PCDH15: variants seen among roughly 807,000 people sequenced by gnomAD.
PCDH15 encodes the protein protocadherin-15.
Under a neutral mutation model 178.5 loss-of-function variants are expected in PCDH15, and 129 were observed. That is an observed-to-expected ratio of 0.72 (90% CI 0.63 to 0.84). The LOEUF is 0.84. Ranked by LOEUF, PCDH15 falls within the 40% of genes least tolerant of loss-of-function variation. PCDH15 has a pLI of 0.00. For synonymous variants in PCDH15, 800 were observed against 732.0 expected (o/e 1.09, Z -1.50); for missense variants, 2,230 against 2,099.9 (o/e 1.06, Z -1.21).
intron 2 of PCDH15, among the ~76,000 whole-genome samples, chr10:55,479,527 A>G (rs1222863730): frequency 1.3e-5 from 2 of 151,606 alleles, no homozygotes; most frequent in South Asian, 4.1e-4. Flanking sequence ...AGCACAATAA[A>G]GGCTGCACAT....
At chr10:53,882,338 C>T (rs1273207267) in intron 26 of PCDH15, among the ~76,000 whole-genome samples, 1 of 152,164 alleles carries the variant, frequency 6.6e-6, no homozygotes, top group Admixed American at 6.5e-5. Flanking sequence ...GAGCTCGGGG[C>T]CTTTGCAGCT....
At chr10:55,604,465 C>T (rs1397861910) in intron 2 of PCDH15, among the ~76,000 whole-genome samples, 1 of 151,050 alleles carries the variant, frequency 6.6e-6, no homozygotes, top group African/African-American at 2.4e-5. Flanking sequence ...CCACACCACA[C>T]CTATTCCAAA....
At chr10:55,183,502 CAGG>C (rs1839710036) in intron 1 of PCDH15, among the ~76,000 whole-genome samples, 2 of 151,780 alleles carry the variant, frequency 1.3e-5, no homozygotes, top group African/African-American at 2.4e-5. Flanking sequence ...CTTAGCTATA[CAGG>C]AGGATTGCTT....
In PCDH15 at chr10:54,089,990, G is replaced by A. The variant is rs2094573247; in HGVS notation, c.1991C>T (p.Ser664Leu). The A allele has an allele frequency of 3.1e-6, 5 of 1,607,606 alleles. No individual in the cohort carries two copies. Among genetic ancestry groups the A allele is most frequent in the Non-Finnish European group, 4.3e-6 (5 of 1,174,520 alleles). The change falls in exon 16 of 38, where the codon TCA (serine) becomes TTA (leucine). Residue 664 changes from serine (S) to leucine (L), a missense_variant. Ser to Leu is a moderately radical substitution (Grantham distance 145). Coordinates refer to ENST00000644397, the MANE Select transcript of PCDH15 (RefSeq NM_001384140.1). Reference protein sequence around the residue: ...NGDPQRVFNLSETTGILTLGK... With the variant: ...NGDPQRVFNLLETTGILTLGK... Reference sequence around the variant, plus strand: ...GAAATCATTTTTAACTTACGTTTCTGAAAGATTAAAAACTCTCTGAGGATC... The same window carrying A: ...GAAATCATTTTTAACTTACGTTTCTAAAAGATTAAAAACTCTCTGAGGATC...
intron 1 of PCDH15, among the ~76,000 whole-genome samples, chr10:54,794,002 C>A (rs1248257541): frequency 6.8e-6 from 1 of 146,744 alleles, no homozygotes; most frequent in Middle Eastern, 3.6e-3. Context: ...ATTTAATGTT[C>A]TTTTTTGAAA....
intron 2 of PCDH15, among the ~76,000 whole-genome samples, chr10:55,084,345 A>C (rs1043556614): frequency 2.0e-5 from 3 of 151,780 alleles, no homozygotes. Context: ...CTTCAAAAAA[A>C]GGTGCTTAGA....
chr10:54,333,228 G>A (rs1185076811), intron 6 of PCDH15, among the ~76,000 whole-genome samples: 5 of 152,048 alleles, frequency 3.3e-5, no homozygotes, highest in African/African-American at 1.2e-4. Context: ...TTAAAGATGT[G>A]AGCCACCATC....
intron 1 of PCDH15, among the ~76,000 whole-genome samples, chr10:54,719,087 G>A (rs2095514965): frequency 6.6e-6 from 1 of 151,260 alleles, no homozygotes; most frequent in African/African-American, 2.4e-5. Context: ...GAAGCTCAAT[G>A]AAATCCAAGA....
intron 2 of PCDH15, among the ~76,000 whole-genome samples, chr10:55,118,934 A>G (rs1837694756): frequency 6.6e-6 from 1 of 152,138 alleles, no homozygotes; most frequent in African/African-American, 2.4e-5. Context: ...TGGTATAGTA[A>G]GTTTTCGTTT....
chr10:53,840,335 C>T lies in PCDH15; in HGVS notation c.3968G>A (p.Arg1323Lys). The T allele has an allele frequency of 6.2e-7, 1 of 1,614,156 alleles. No individual in the cohort carries two copies. Among genetic ancestry groups the T allele is most frequent in the Non-Finnish European group, 8.5e-7 (1 of 1,180,000 alleles). Residue 1323 changes from arginine (R) to lysine (K), a missense_variant, in exon 29 of 38, where the codon AGA becomes AAA. Physicochemically the swap from Arg to Lys is conservative, Grantham distance 26. Transcript: ENST00000644397. ...IDPQTNRAID[R>K]NELFKFLDGK... ...AAGCACTTACTTAAAAAGCTCATTT[C>T]TATCGATGGCTCTGTTGGTTTGGGG...
chr10:54,710,950 G>A (rs1432934646), intron 1 of PCDH15, among the ~76,000 whole-genome samples: 1 of 151,892 alleles, frequency 6.6e-6, no homozygotes, highest in Non-Finnish European at 1.5e-5. Context: ...AATGCAGCAG[G>A]CATAAACCGG....
At chr10:54,206,289 G>A (rs1487467690) in intron 10 of PCDH15, among the ~76,000 whole-genome samples, 1 of 152,072 alleles carries the variant, frequency 6.6e-6, no homozygotes, top group Admixed American at 6.6e-5. Flanking sequence ...CCACTCTGGG[G>A]AAGACCACAG....
intron 2 of PCDH15, among the ~76,000 whole-genome samples, chr10:55,152,480 A>C (rs1324318568): frequency 3.3e-5 from 5 of 152,208 alleles, no homozygotes; most frequent in Non-Finnish European, 7.4e-5. Flanking sequence ...GGTGGCAGAT[A>C]AATTGGAGAA....
chr10:54,297,140 C>G (rs1028392962), intron 8 of PCDH15, among the ~76,000 whole-genome samples: 1 of 152,014 alleles, frequency 6.6e-6, no homozygotes, highest in Non-Finnish European at 1.5e-5. Context: ...TCAGCAGGGT[C>G]CAGGGGCCAC....
At chr10:55,224,658 T>C (rs1840976318) in intron 1 of PCDH15, among the ~76,000 whole-genome samples, 1 of 152,048 alleles carries the variant, frequency 6.6e-6, no homozygotes, top group Admixed American at 6.5e-5. Flanking sequence ...TTCCATGAAG[T>C]AGGGGCTCAA....
intron 13 of PCDH15, among the ~76,000 whole-genome samples, chr10:54,181,151 T>A (rs532817119): frequency 6.6e-6 from 1 of 152,274 alleles, no homozygotes; most frequent in Admixed American, 6.5e-5. Flanking sequence ...AACATGACAA[T>A]AATTGTCATT....
At chr10:55,523,076 T>C (rs552436587) in intron 2 of PCDH15, among the ~76,000 whole-genome samples, 1 of 151,716 alleles carries the variant, frequency 6.6e-6, no homozygotes, top group Non-Finnish European at 1.5e-5. Context: ...TTCACAGTTT[T>C]AATGTTATGT....
At chr10:55,378,594 A>G (rs1837454526) in intron 2 of PCDH15, among the ~76,000 whole-genome samples, 1 of 152,128 alleles carries the variant, frequency 6.6e-6, no homozygotes, top group Non-Finnish European at 1.5e-5. Context: ...AACGTACAAA[A>G]TATCTTTAGA....
intron 2 of PCDH15, among the ~76,000 whole-genome samples, chr10:55,101,402 A>T (rs1842572900): frequency 7.4e-6 from 1 of 135,582 alleles, no homozygotes; most frequent in South Asian, 2.6e-4. Flanking sequence ...ATAAAAAAAA[A>T]AAACTTTTTT....
Sources: gnomAD v4.1 joint callset for allele counts (sites outside exome capture counted in the v4.1 genomes callset) on GRCh38, gnomAD v4.1.1 for gene constraint, MANE v1.5 for transcripts, NCBI Gene and HGNC (gene_info 2026-07-23, HGNC 2026-07-21) for gene names.